Variants in RIPOR2 observed in about 807,000 individuals in gnomAD.
RIPOR2 encodes the protein RHO family interacting cell polarization regulator 2.
RIPOR2 carries 39 observed loss-of-function variants against 114.5 expected under a neutral mutation model. The ratio of observed to expected loss-of-function variants is 0.34; its 90% CI spans 0.26 to 0.44. The LOEUF (loss-of-function observed/expected upper bound fraction) is 0.44. Among genes scored for constraint, RIPOR2 ranks in the 20% least tolerant of loss-of-function variants. The probability of loss-of-function intolerance (pLI) is 1.00; values close to 1 mark genes in which losing one functional copy is unlikely to be tolerated. For missense variants in RIPOR2, 1,007 were observed against 1,255.1 expected, an observed-to-expected ratio of 0.80 and a Z score of 2.99; for synonymous variants, 445 against 484.4, an observed-to-expected ratio of 0.92 and a Z score of 1.07.
chr6:24,833,875 T>C (rs564913050), intron 15 of RIPOR2, among the ~76,000 whole-genome samples: 2 of 152,268 alleles, frequency 1.3e-5, no homozygotes, highest in East Asian at 3.9e-4. Flanking sequence ...ACTAAAAGCA[T>C]GCCAATTAGT....
intron 11 of RIPOR2, among the ~76,000 whole-genome samples, chr6:24,848,820 T>C (rs1762573662): frequency 6.6e-6 from 1 of 152,200 alleles, no homozygotes; most frequent in Non-Finnish European, 1.5e-5. Flanking sequence ...ATATTGTAAA[T>C]GAGACCCTGA....
rs1760741606 is a variant in RIPOR2 at position 24,832,192 on chromosome 6, G to A, written c.2344+64C>T. On this transcript the variant is annotated intron_variant, in intron 16 of 21. Transcript: ENST00000643898. The stretch of plus-strand genomic sequence containing the variant: ...CCAACAAAGCAATGAACATGCATAG[G>A]GAGTGGACTGGGCTAGTGGTGTCAT... The A allele has an allele frequency of 4.1e-6, 6 of 1,450,286 alleles. No individual in the cohort carries two copies. The South Asian group carries it at 7.4e-5, about 18-fold the overall frequency. 89.8% of individuals were successfully genotyped at this position (1,450,286 alleles called of 1,614,324 possible).
chr6:25,027,820 C>T (rs190895939), intron 1 of RIPOR2, among the ~76,000 whole-genome samples: 232 of 152,264 alleles, frequency 1.5e-3, no homozygotes, highest in Middle Eastern at 3.4e-3. Flanking sequence ...AGGCAAGTTC[C>T]GTGGGTCAGG....
intron 1 of RIPOR2, among the ~76,000 whole-genome samples, chr6:24,949,677 T>C (rs1195908124): frequency 6.6e-6 from 1 of 152,188 alleles, no homozygotes; most frequent in Non-Finnish European, 1.5e-5. Context: ...TCTAATATCA[T>C]GGAAACCCAT....
Position 24,858,233 on chromosome 6 carries a change from C to T in RIPOR2, c.715+2740G>A, listed in dbSNP as rs953977985. Among the ~76,000 whole-genome samples, 3 of 152,190 alleles carry T rather than the reference C, an allele frequency of 2.0e-5. No individual in the cohort carries two copies. Among genetic ancestry groups the T allele is most frequent in the Admixed American group, 1.3e-4 (2 of 15,288 alleles). ...CCATGTGGAACTCAAGGCCAGGGAG[C>T]AGTCATCAGAATGCAGTCAAGTGCC... On this transcript the variant is annotated intron_variant, in intron 8 of 21. Transcript: ENST00000643898. This position sits in a 1 kb window ranked among gnomAD's most constrained non-coding sequence, Gnocchi z 4.0.
chr6:24,956,623 G>A (rs651469), intron 1 of RIPOR2, among the ~76,000 whole-genome samples: 120,818 of 152,140 alleles, frequency 0.79, 51,577 homozygotes, highest in East Asian at 0.96. Context: ...TGAGGCCTAA[G>A]GAATTTAAGT....
intron 1 of RIPOR2, among the ~76,000 whole-genome samples, chr6:24,965,694 T>A (rs142022413): frequency 4.6e-5 from 7 of 152,178 alleles, no homozygotes; most frequent in African/African-American, 7.2e-5. Context: ...ATGATTTTTT[T>A]AAAAAACATT....
intron 1 of RIPOR2, chr6:25,023,205 A>T: frequency 1.6e-6 from 1 of 638,148 alleles, no homozygotes; most frequent in East Asian, 3.6e-5. Context: ...TACTTGGGGG[A>T]TCTGCAAATT....
At chr6:24,876,991 GGCTA>G in intron 1 of RIPOR2, 1 of 985,426 alleles carries the variant, frequency 1.0e-6, no homozygotes, top group South Asian at 4.7e-5. Flanking sequence ...GAGGGGGACA[GGCTA>G]GCAGGAAAAA....
chr6:24,871,540 CAG>C (rs1463990251), intron 4 of RIPOR2, among the ~76,000 whole-genome samples: 5 of 152,088 alleles, frequency 3.3e-5, no homozygotes, highest in Non-Finnish European at 5.9e-5. Context: ...TTAGTAGAGA[CAG>C]GGTCTCGCCA....
intron 1 of RIPOR2, among the ~76,000 whole-genome samples, chr6:24,959,428 T>C (rs1773201364): frequency 6.6e-6 from 1 of 152,192 alleles, no homozygotes; most frequent in Admixed American, 6.5e-5. Context: ...GGGCTGGTAA[T>C]GGAGGAATGG....
chr6:24,830,836 T>C (rs1483274952), intron 16 of RIPOR2, among the ~76,000 whole-genome samples, 166 bp from the exon 17 acceptor site: 2 of 152,024 alleles, frequency 1.3e-5, no homozygotes. Flanking sequence ...TTGCCTGAGC[T>C]TCCCAAGTAG....
intron 8 of RIPOR2, among the ~76,000 whole-genome samples, chr6:24,856,724 C>A (rs1158160782): frequency 6.6e-6 from 1 of 152,154 alleles, no homozygotes; most frequent in East Asian, 1.9e-4. Flanking sequence ...CACTGCACTG[C>A]AGCCTGGGTG....
At chr6:25,016,406 T>C (rs1776004341) in intron 1 of RIPOR2, among the ~76,000 whole-genome samples, 1 of 152,210 alleles carries the variant, frequency 6.6e-6, no homozygotes, top group African/African-American at 2.4e-5. Context: ...TCCCCTCCAT[T>C]AGTCTTGAAG....
At chr6:24,830,116 C>T (rs1760540892) in intron 17 of RIPOR2, among the ~76,000 whole-genome samples, 1 of 152,142 alleles carries the variant, frequency 6.6e-6, no homozygotes, top group Non-Finnish European at 1.5e-5. Context: ...CAGGTGTGGG[C>T]TACCACGCCC....
intron 20 of RIPOR2, 67 bp from the exon 21 acceptor site, chr6:24,809,874 T>A: frequency 9.6e-7 from 1 of 1,044,684 alleles, no homozygotes. Context: ...AGACTTGGCA[T>A]TTCACAACTG....
At chr6:24,839,337 T>C (rs1761404868) in intron 13 of RIPOR2, 65 bp from the exon 14 acceptor site, 1 of 1,482,770 alleles carries the variant, frequency 6.7e-7, no homozygotes, top group Non-Finnish European at 9.0e-7. Flanking sequence ...AGACACACGA[T>C]GCTCAATTGG....
At position 24,918,482 on chromosome 6, in the gene RIPOR2, C is replaced by T. The variant is rs183849857; in HGVS notation, c.61+17356G>A. ...TGTTTAATTCTTTTCCAACTCCCTG[C>T]CCCCACCTATGCAAAGATCTTCCCA... is the stretch of plus-strand genomic sequence containing the variant. On this transcript the variant is annotated intron_variant, in intron 1 of 21. Transcript: ENST00000643898. Among the ~76,000 whole-genome samples, 23 of 152,234 alleles carry T rather than the reference C, an allele frequency of 1.5e-4. 1 individual carries two copies. Among genetic ancestry groups the T allele is most frequent in the Admixed American group, 9.2e-4 (14 of 15,280 alleles).
At chr6:24,976,695 T>C (rs1399435756) in intron 1 of RIPOR2, 2 of 1,607,882 alleles carry the variant, frequency 1.2e-6, no homozygotes, top group African/African-American at 2.7e-5. Context: ...TCACACGCCA[T>C]AATGGCACTG....
Sources: allele counts gnomAD v4.1 joint callset (sites outside exome capture counted in the v4.1 genomes callset), GRCh38; gene constraint gnomAD v4.1.1; non-coding constraint Gnocchi (gnomAD v3.1); transcripts MANE v1.5; gene names NCBI Gene and HGNC (gene_info 2026-07-23, HGNC 2026-07-21).